Variants in ACADL observed in about 807,000 individuals in gnomAD.
ACADL encodes the protein long-chain specific acyl-CoA dehydrogenase, mitochondrial.
In ACADL, 60 loss-of-function variants were observed where a neutral mutation model predicts 56.9. The observed-to-expected ratio is 1.05, with a 90% CI of 0.86 to 1.31. The LOEUF is 1.31. Ranked by LOEUF, ACADL falls within the 50% of genes most tolerant of loss-of-function variation. The probability of loss-of-function intolerance (pLI) is 0.00; values close to 1 mark genes in which losing one functional copy is unlikely to be tolerated. For synonymous variants in ACADL, 158 were observed against 179.7 expected, an observed-to-expected ratio of 0.88 and a Z score of 0.97; for missense variants, 484 against 525.5, an observed-to-expected ratio of 0.92 and a Z score of 0.77.
chr2:210,206,200 G>A (rs1688885927), intron 5 of ACADL, among the ~76,000 whole-genome samples: 1 of 152,128 alleles, frequency 6.6e-6, no homozygotes, highest in Non-Finnish European at 1.5e-5. Flanking sequence ...CACTTTGGGA[G>A]GCCGAGGCAA....
chr2:210,189,715 G>A (rs753503811), intron 10 of ACADL, among the ~76,000 whole-genome samples: 9 of 151,486 alleles, frequency 5.9e-5, no homozygotes, highest in South Asian at 2.1e-4. Context: ...GATAACAACC[G>A]TACCACTGTA....
At position 210,213,371 on chromosome 2, in the gene ACADL, G is replaced by C. The variant is rs564498121; in HGVS notation, c.536+2976C>G. ...AAAAATTAGCTGGGCATGGTGGCGG[G>C]CGCCTGTAATCCCAGTTACTTGGGA... On this transcript the variant is annotated intron_variant, in intron 4 of 10. Coordinates refer to ENST00000233710, the MANE Select transcript of ACADL (RefSeq NM_001608.4). Among the ~76,000 whole-genome samples the C allele has an allele frequency of 3.2e-4, 48 of 152,094 alleles. No homozygotes were observed. In the South Asian group the frequency reaches 8.9e-3, roughly 28 times the overall value.
At chr2:210,211,940 C>T (rs1247374212) in intron 4 of ACADL, among the ~76,000 whole-genome samples, 1 of 151,320 alleles carries the variant, frequency 6.6e-6, no homozygotes, top group East Asian at 1.9e-4. Flanking sequence ...AAGTGATTCT[C>T]CTGCCTCAGC....
chr2:210,202,568 ACT>A (rs1460950180), intron 8 of ACADL, among the ~76,000 whole-genome samples: 5 of 151,712 alleles, frequency 3.3e-5, no homozygotes, highest in South Asian at 2.1e-4. Flanking sequence ...GCATCCACAA[ACT>A]CACCCTTTCT....
chr2:210,224,591 TTTAG>T, intron 1 of ACADL: 2 of 985,456 alleles, frequency 2.0e-6, no homozygotes, highest in Non-Finnish European at 1.2e-6. Flanking sequence ...ATCCTCTGTA[TTTAG>T]TTAGATTTGT....
intron 8 of ACADL, among the ~76,000 whole-genome samples, chr2:210,197,746 C>T (rs1688732721): frequency 6.6e-6 from 1 of 152,130 alleles, no homozygotes; most frequent in Non-Finnish European, 1.5e-5. Flanking sequence ...GCCTGATTCT[C>T]TCATACAAGA....
chr2:210,217,700 C>T (rs1474130394), intron 3 of ACADL: 5 of 410,602 alleles, frequency 1.2e-5, no homozygotes, highest in Non-Finnish European at 2.2e-5. Flanking sequence ...GGAAAAGTAA[C>T]CATAAGCATT....
intron 10 of ACADL, among the ~76,000 whole-genome samples, chr2:210,190,287 C>T (rs749312751): frequency 6.6e-6 from 1 of 152,092 alleles, no homozygotes; most frequent in Non-Finnish European, 1.5e-5. Context: ...TGTTTTCAAA[C>T]ATTTTTTTCT....
rs1169630876 is a variant in ACADL at position 210,209,915 on chromosome 2, G to A, written c.603+281C>T. The A allele has an allele frequency of 2.9e-5, 10 of 339,978 alleles. No homozygotes were observed. The East Asian group carries it at 4.6e-4, about 16-fold the overall frequency. 21.1% of individuals were successfully genotyped at this position (339,978 alleles called of 1,614,324 possible). On this transcript the variant is annotated intron_variant, in intron 5 of 10. Transcript: ENST00000233710. ...AATATTTGTCCCACATTTGGGCAAT[G>A]TGAGCCTCACCTTGTCTTTTTCTGG...
chr2:210,212,977 A>G (rs1305437780), intron 4 of ACADL, among the ~76,000 whole-genome samples: 5 of 152,178 alleles, frequency 3.3e-5, no homozygotes, highest in Non-Finnish European at 5.9e-5. Flanking sequence ...AGAGTGGCTT[A>G]CTGTCTGAAC....
intron 9 of ACADL, among the ~76,000 whole-genome samples, chr2:210,194,209 C>T (rs564968564): frequency 6.6e-6 from 1 of 152,166 alleles, no homozygotes; most frequent in South Asian, 2.1e-4. Context: ...CAAAGAACTT[C>T]TTGTAAATGT....
At chr2:210,218,187 G>T in intron 2 of ACADL, 85 bp from the exon 3 acceptor site, 1 of 1,269,650 alleles carries the variant, frequency 7.9e-7, no homozygotes, top group Non-Finnish European at 1.1e-6. Context: ...ATGATTTTGT[G>T]TAGAAATGCA....
In ACADL at chr2:210,216,495, A is replaced by G. The variant is rs1467080090; in HGVS notation, c.388T>C (p.Ser130Pro). 1 of 1,613,610 alleles carries G rather than the reference A, an allele frequency of 6.2e-7. No homozygotes were observed. The highest frequency in any genetic ancestry group is 8.5e-7 in the Non-Finnish European group (1 of 1,179,684). ...GAATGAATACTAAAACCTGGGCCTG[A>G]ACAATTTGAATAAGCTCTTAGAATG... is the stretch of plus-strand genomic sequence containing the variant. ...VWEEQAYSNC[S>P]GPGFSIHSGI... Residue 130 changes from serine (S) to proline (P), a missense_variant, in exon 4 of 11, where the codon TCA becomes CCA. Transcript: ENST00000233710.
rs551374486 is a variant in ACADL, at chr2:210,224,817, G to A, written c.77+370C>T. 2.8e-5 allele frequency: 28 copies of A among 1,007,402 alleles called. 1 individual carries two copies. The South Asian group carries it at 1.1e-3, about 39-fold the overall frequency. The allele number at this position is 1,007,402 out of a possible 1,614,324, so 62.4% of individuals were successfully genotyped here. On this transcript the variant is annotated intron_variant, in intron 1 of 10. Coordinates refer to ENST00000233710, the MANE Select transcript of ACADL (RefSeq NM_001608.4). ...ATCGCAGCCCGCGCTCCTGCAGCCG[G>A]GCCCAGGGGGTGACCACCTCCTCCC...
Position 210,225,053 on chromosome 2 carries a change from G to A in ACADL, c.77+134C>T, listed in dbSNP as rs74900667. The A allele has an allele frequency of 2.2e-3, 3,306 of 1,493,592 alleles. 48 individuals carry two copies. In the African/African-American group the frequency reaches 0.036, roughly 16 times the overall value. 92.5% of individuals were successfully genotyped at this position (1,493,592 alleles called of 1,614,324 possible). The stretch of plus-strand genomic sequence containing the variant: ...GATCCAGGAAAGGAGGCCAGCTCTA[G>A]CCCGGCGCCGGAGTTGGGGAGCACT... On this transcript the variant is annotated intron_variant, in intron 1 of 10. Transcript: ENST00000233710.
At chr2:210,211,309 C>T (rs1192983658) in intron 4 of ACADL, among the ~76,000 whole-genome samples, 1 of 152,120 alleles carries the variant, frequency 6.6e-6, no homozygotes, top group Non-Finnish European at 1.5e-5. Context: ...ATTGTTAAAA[C>T]ACTTAGGTCC....
chr2:210,215,926 T>C (rs1037741954), intron 4 of ACADL, among the ~76,000 whole-genome samples: 1 of 152,234 alleles, frequency 6.6e-6, no homozygotes, highest in Non-Finnish European at 1.5e-5. Flanking sequence ...AAGACACTTA[T>C]GAAATAACCA....
intron 1 of ACADL, among the ~76,000 whole-genome samples, chr2:210,221,205 G>C (rs1031813955): frequency 1.3e-5 from 2 of 152,116 alleles, no homozygotes; most frequent in Non-Finnish European, 2.9e-5. Flanking sequence ...ATAATGCAAA[G>C]CCTCCAAAAT....
rs1376195187 is a variant in ACADL, at chr2:210,224,976, G to A, written c.77+211C>T. 14 of 1,382,696 alleles carry A rather than the reference G, an allele frequency of 1.0e-5. No individual in the cohort carries two copies. The African/African-American group carries it at 1.2e-4, about 12-fold the overall frequency. The allele number at this position is 1,382,696 out of a possible 1,614,324, so 85.7% of individuals were successfully genotyped here. A position where few individuals can be genotyped will look rare whatever the true frequency, so the allele number is the denominator to read the frequency against. ...CGGCGGTCTGTTCTCGGGGCGGCAC[G>A]GCTGACACCCCTTTTTCCTCCGCCC... is the stretch of plus-strand genomic sequence containing the variant. On this transcript the variant is annotated intron_variant, in intron 1 of 10. Coordinates refer to ENST00000233710, the MANE Select transcript of ACADL (RefSeq NM_001608.4).
Sources: allele counts gnomAD v4.1 joint callset (sites outside exome capture counted in the v4.1 genomes callset), GRCh38; gene constraint gnomAD v4.1.1; transcripts MANE v1.5; gene names NCBI Gene and HGNC (gene_info 2026-07-23, HGNC 2026-07-21).